The following REEP3 variants were observed in gnomAD, a reference collection of about 807,000 sequenced individuals.
REEP3 encodes the protein receptor accessory protein 3.
Under a neutral mutation model 41.3 loss-of-function variants are expected in REEP3, and 20 were observed. That is an observed-to-expected ratio of 0.48 (90% CI 0.34 to 0.70). The LOEUF (loss-of-function observed/expected upper bound fraction) is 0.70, where lower values mean the gene tolerates loss of function less well. REEP3 is among the 30% of genes least tolerant of loss of function. The pLI is 0.01. For synonymous variants in REEP3, 104 were observed against 101.8 expected, an observed-to-expected ratio of 1.02 and a Z score of -0.13; for missense variants, 271 against 308.8, an observed-to-expected ratio of 0.88 and a Z score of 0.92.
chr10:63,598,134 C>T lies in REEP3; in HGVS notation c.293C>T (p.Ser98Leu). 6.3e-7 allele frequency: 1 copy of T among 1,582,998 alleles called. No individual in the cohort carries two copies. Residue 98 changes from serine (S) to leucine (L), a missense_variant, in exon 4 of 8, where the codon TCA (serine) becomes TTA (leucine). Ser to Leu is a moderately radical substitution (Grantham distance 145). Transcript: ENST00000373758. Reference sequence around the variant, plus strand: ...AAATTCCTTCATCCACTTCTTTCTTCAAAGGAAAGGGTAAGATATATAAAT... The same window carrying T: ...AAATTCCTTCATCCACTTCTTTCTTTAAAGGAAAGGGTAAGATATATAAAT... ...YRKFLHPLLSSKEREIDDYIV... is the reference protein window; with the variant it reads ...YRKFLHPLLSLKEREIDDYIV...
intron 1 of REEP3, among the ~76,000 whole-genome samples, chr10:63,543,002 A>G (rs951980045): frequency 1.3e-5 from 2 of 151,914 alleles, no homozygotes; most frequent in Admixed American, 6.6e-5. Context: ...ACGTTTCTCT[A>G]TGTTTTATTA....
intron 1 of REEP3, among the ~76,000 whole-genome samples, chr10:63,553,627 T>C (rs994221366): frequency 3.3e-5 from 5 of 152,176 alleles, no homozygotes; most frequent in Non-Finnish European, 7.3e-5. Flanking sequence ...TTAGAGAAGT[T>C]CACTTTGTGG....
Position 63,555,262 on chromosome 10 carries a change from T to C in REEP3, c.33-11076T>C, listed in dbSNP as rs1197449638. Among the ~76,000 whole-genome samples, 12 of 152,196 alleles carry C rather than the reference T, an allele frequency of 7.9e-5. No individual in the cohort carries two copies. The East Asian group carries it at 1.5e-3, about 20-fold the overall frequency. On this transcript the variant is annotated intron_variant, in intron 1 of 7. Coordinates refer to ENST00000373758, the MANE Select transcript of REEP3 (RefSeq NM_001001330.3). ...GGATTTGGGGCTGTTGTTGTTTTTTTCCCCATGGGTTTGACTCTTTCTCCT... is the reference window on the plus strand; with the variant it reads ...GGATTTGGGGCTGTTGTTGTTTTTTCCCCCATGGGTTTGACTCTTTCTCCT...
At chr10:63,529,923 T>G (rs984981956) in intron 1 of REEP3, among the ~76,000 whole-genome samples, 6 of 151,790 alleles carry the variant, frequency 4.0e-5, no homozygotes, top group Non-Finnish European at 8.8e-5. Flanking sequence ...GGATTACAGG[T>G]GGCCACCACC....
intron 1 of REEP3, among the ~76,000 whole-genome samples, chr10:63,528,699 C>A (rs946161292): frequency 1.3e-5 from 2 of 152,126 alleles, no homozygotes; most frequent in Non-Finnish European, 2.9e-5. Context: ...TCTACCTGCC[C>A]GCTGCCATTA....
At position 63,589,785 on chromosome 10, in the gene REEP3, C is replaced by CTTTTTTTTTTTT. The variant is rs59658061; in HGVS notation, c.106-4978_106-4967dup. On this transcript the variant is annotated intron_variant, in intron 2 of 7. Coordinates refer to ENST00000373758, the MANE Select transcript of REEP3 (RefSeq NM_001001330.3). ...TAATGTACTAAGAACAGCAGAACAT[C>CTTTTTTTTTTTT]TTTTTTTTTTTTTTTTTTTTTTTTT... 1.7e-4 allele frequency among the ~76,000 whole-genome samples: 14 copies of CTTTTTTTTTTTT among 80,834 alleles called. 1 individual carries two copies. Among genetic ancestry groups the CTTTTTTTTTTTT allele is most frequent in the Non-Finnish European group, 2.8e-4 (12 of 43,500 alleles). 53.0% of individuals were successfully genotyped at this position (80,834 alleles called of 152,430 possible).
At chr10:63,542,085 G>GTTTTTTT (rs56908733) in intron 1 of REEP3, among the ~76,000 whole-genome samples, 1 of 145,170 alleles carries the variant, frequency 6.9e-6, no homozygotes. Context: ...TTTTGTTTTT[G>GTTTTTTT]TTTTTTTTTT....
intron 5 of REEP3, chr10:63,606,230 T>C (rs1589886783): frequency 4.9e-6 from 1 of 202,962 alleles, no homozygotes; most frequent in Non-Finnish European, 8.5e-6. Flanking sequence ...AAGACCGCTG[T>C]TTCCATACAG....
chr10:63,544,047 A>C (rs1050266948), intron 1 of REEP3, among the ~76,000 whole-genome samples: 1 of 152,256 alleles, frequency 6.6e-6, no homozygotes, highest in African/African-American at 2.4e-5. Context: ...GGAGGCAAAG[A>C]TATTTTCCCA....
At chr10:63,580,582 A>C (rs906185987) in intron 2 of REEP3, among the ~76,000 whole-genome samples, 2 of 152,366 alleles carry the variant, frequency 1.3e-5, no homozygotes, top group Admixed American at 1.3e-4. Flanking sequence ...TCTTTGAATA[A>C]GTTTAATAAG....
At chr10:63,524,702 G>T (rs916826216) in intron 1 of REEP3, among the ~76,000 whole-genome samples, 2 of 152,030 alleles carry the variant, frequency 1.3e-5, no homozygotes, top group African/African-American at 4.8e-5. Context: ...CACCTTCCTC[G>T]CTAAGTGCTA....
intron 1 of REEP3, among the ~76,000 whole-genome samples, chr10:63,555,487 T>C (rs886800627): frequency 6.6e-6 from 1 of 152,222 alleles, no homozygotes; most frequent in Non-Finnish European, 1.5e-5. Flanking sequence ...GAAAAACTCA[T>C]GTAGGAAGTT....
At chr10:63,582,553 A>G (rs1314543975) in intron 2 of REEP3, among the ~76,000 whole-genome samples, 2 of 152,256 alleles carry the variant, frequency 1.3e-5, no homozygotes, top group Non-Finnish European at 2.9e-5. Context: ...CATCTTATGT[A>G]AATTGATTGA....
chr10:63,523,996 A>C (rs57321452), intron 1 of REEP3, among the ~76,000 whole-genome samples: 22,238 of 152,038 alleles, frequency 0.15, 3,864 homozygotes, highest in African/African-American at 0.42. Flanking sequence ...TGAGCTACAG[A>C]ATGTAAGGTT....
intron 1 of REEP3, among the ~76,000 whole-genome samples, chr10:63,528,633 A>G (rs1351920895): frequency 6.6e-6 from 1 of 152,158 alleles, no homozygotes; most frequent in Non-Finnish European, 1.5e-5. Flanking sequence ...CCAGGTCCTT[A>G]TGATGGTCTA....
chr10:63,581,227 C>A (rs1214693640), intron 2 of REEP3, among the ~76,000 whole-genome samples: 1 of 151,960 alleles, frequency 6.6e-6, no homozygotes, highest in African/African-American at 2.4e-5. Context: ...AGATTGTCAA[C>A]CAGATTGCCA....
intron 5 of REEP3, chr10:63,606,165 C>G (rs1956223108): frequency 3.5e-6 from 3 of 847,214 alleles, no homozygotes; most frequent in African/African-American, 3.7e-5. Flanking sequence ...ATCTAAAGTG[C>G]TGAAATATGG....
chr10:63,584,386 A>G (rs1468738986), intron 2 of REEP3, among the ~76,000 whole-genome samples: 2 of 149,932 alleles, frequency 1.3e-5, no homozygotes, highest in Non-Finnish European at 3.0e-5. Context: ...GCTCACATCA[A>G]TCCTAAGCTA....
intron 3 of REEP3, 106 bp from the exon 4 acceptor site, chr10:63,597,918 A>AC: frequency 8.6e-6 from 9 of 1,046,236 alleles, no homozygotes; most frequent in Non-Finnish European, 1.2e-5. Context: ...AAAAAAAAAA[A>AC]AACAAAAAAC....
Sources: allele counts gnomAD v4.1 joint callset (sites outside exome capture counted in the v4.1 genomes callset), GRCh38; gene constraint gnomAD v4.1.1; transcripts MANE v1.5; gene names NCBI Gene and HGNC (gene_info 2026-07-23, HGNC 2026-07-21).